SLCO1A2: variants seen among roughly 807,000 people sequenced by gnomAD.
SLCO1A2 encodes the protein OATP-1.
Under a neutral mutation model 69.0 loss-of-function variants are expected in SLCO1A2, and 67 were observed. The ratio of observed to expected loss-of-function variants is 0.97; its 90% CI spans 0.80 to 1.19. The LOEUF (loss-of-function observed/expected upper bound fraction) is 1.19. Among genes scored for constraint, SLCO1A2 ranks in the 50% most tolerant of loss-of-function variants. SLCO1A2 has a pLI of 0.00. For missense variants in SLCO1A2, 787 were observed against 793.7 expected, an observed-to-expected ratio of 0.99 and a Z score of 0.10; for synonymous variants, 260 against 265.9, an observed-to-expected ratio of 0.98 and a Z score of 0.22.
chr12:21,335,011 C>T (rs942727908), upstream of SLCO1A2: 230 of 166,632 alleles, frequency 1.4e-3, no homozygotes, highest in African/African-American at 5.3e-3. Context: ...TTTCACTTCT[C>T]TAGCCAAAAC....
chr12:21,390,989 C>G (rs538702068), intron 1 of SLCO1A2, among the ~76,000 whole-genome samples: 1 of 152,220 alleles, frequency 6.6e-6, no homozygotes, highest in East Asian at 1.9e-4. Flanking sequence ...ATTTTCTGTC[C>G]TCATTTCAAA....
chr12:21,299,752 G>T (rs73235208), intron 8 of SLCO1A2, among the ~76,000 whole-genome samples: 10,260 of 139,128 alleles, frequency 0.074, 1,234 homozygotes, highest in African/African-American at 0.25. Flanking sequence ...GAGCAAATGG[G>T]ACCATATATA....
At chr12:21,272,677 T>TACAA (rs1214429983) in intron 14 of SLCO1A2, among the ~76,000 whole-genome samples, 1 of 152,128 alleles carries the variant, frequency 6.6e-6, no homozygotes, top group Non-Finnish European at 1.5e-5. Flanking sequence ...ATCTATCTCT[T>TACAA]ACAAACAACA....
chr12:21,308,605 G>T (rs1032835000), intron 4 of SLCO1A2, among the ~76,000 whole-genome samples: 1 of 152,082 alleles, frequency 6.6e-6, no homozygotes, highest in Non-Finnish European at 1.5e-5. Context: ...AAAAAAAATG[G>T]GGGTATTAAG....
chr12:21,360,151 G>A (rs1015959642), intron 2 of SLCO1A2, among the ~76,000 whole-genome samples: 1 of 152,080 alleles, frequency 6.6e-6, no homozygotes, highest in African/African-American at 2.4e-5. Flanking sequence ...GGAGTAGAAG[G>A]AAATGAGGAA....
At chr12:21,342,981 A>C (rs1953125027) in intron 2 of SLCO1A2, among the ~76,000 whole-genome samples, 1 of 152,116 alleles carries the variant, frequency 6.6e-6, no homozygotes, top group Non-Finnish European at 1.5e-5. Flanking sequence ...ACTTACGCTG[A>C]CATGACCTGT....
At chr12:21,384,384 C>A (rs1178490577) in intron 1 of SLCO1A2, among the ~76,000 whole-genome samples, 1 of 152,106 alleles carries the variant, frequency 6.6e-6, no homozygotes, top group East Asian at 1.9e-4. Flanking sequence ...AAACTTGTAC[C>A]GCACAACCAC....
At chr12:21,372,282 T>C (rs1939857044) in intron 2 of SLCO1A2, among the ~76,000 whole-genome samples, 1 of 152,196 alleles carries the variant, frequency 6.6e-6, no homozygotes, top group Non-Finnish European at 1.5e-5. Context: ...AAATGAATTT[T>C]TTTATTCATT....
At chr12:21,359,547 C>G (rs1938646889) in intron 2 of SLCO1A2, among the ~76,000 whole-genome samples, 1 of 152,136 alleles carries the variant, frequency 6.6e-6, no homozygotes, top group South Asian at 2.1e-4. Flanking sequence ...ATGCATGTAA[C>G]ACCCAATCAA....
intron 2 of SLCO1A2, among the ~76,000 whole-genome samples, chr12:21,363,867 T>C (rs906464931): frequency 6.6e-6 from 1 of 152,152 alleles, no homozygotes; most frequent in Non-Finnish European, 1.5e-5. Context: ...AATCCCTGAA[T>C]AGACCAATAA....
chr12:21,327,539 C>T (rs563025212), intron 2 of SLCO1A2, among the ~76,000 whole-genome samples: 1 of 152,300 alleles, frequency 6.6e-6, no homozygotes, highest in South Asian at 2.1e-4. Context: ...AGGGGTGGAT[C>T]TTCCCAAGTC....
intron 4 of SLCO1A2, among the ~76,000 whole-genome samples, chr12:21,310,932 C>G (rs997765446): frequency 2.0e-5 from 3 of 152,192 alleles, no homozygotes; most frequent in South Asian, 2.1e-4. Flanking sequence ...AGCATTTTAC[C>G]CACAGTAGAA....
chr12:21,352,728 C>T (rs1365571267), intron 2 of SLCO1A2, among the ~76,000 whole-genome samples: 4 of 152,198 alleles, frequency 2.6e-5, no homozygotes, highest in Admixed American at 2.6e-4. Flanking sequence ...TATCTTCAAT[C>T]CATTTATGCT....
chr12:21,324,068 A>G (rs950550927), intron 2 of SLCO1A2, among the ~76,000 whole-genome samples: 2 of 152,216 alleles, frequency 1.3e-5, no homozygotes, highest in Admixed American at 1.3e-4. Flanking sequence ...AGAGATAAAT[A>G]ACATTAATAT....
intron 6 of SLCO1A2, 25 bp downstream of exon 6, chr12:21,304,402 A>C: frequency 6.4e-7 from 1 of 1,572,822 alleles, no homozygotes; most frequent in Non-Finnish European, 8.7e-7. Flanking sequence ...CCTGAAAAGA[A>C]GCTAAGGTAG....
chr12:21,297,010 A>C lies in SLCO1A2; in HGVS notation c.1075+394T>G, dbSNP rs149197702. Among the ~76,000 whole-genome samples the C allele has an allele frequency of 1.3e-3, 201 of 152,300 alleles. 1 individual carries two copies. Among genetic ancestry groups the C allele is most frequent in the African/African-American group, 4.6e-3 (190 of 41,574 alleles). On this transcript the variant is annotated intron_variant, in intron 9 of 14. Coordinates refer to ENST00000683939, the MANE Select transcript of SLCO1A2 (RefSeq NM_001386879.1). ...ACTAGGGGGACCAAAAAATTAAATTAGGAGGAACATAGAATCCTTGAACTG... is the reference window on the plus strand; with the variant it reads ...ACTAGGGGGACCAAAAAATTAAATTCGGAGGAACATAGAATCCTTGAACTG...
intron 1 of SLCO1A2, chr12:21,378,660 A>C: frequency 2.2e-6 from 1 of 461,672 alleles, no homozygotes; most frequent in Non-Finnish European, 3.9e-6. Flanking sequence ...ATTTTAAAAC[A>C]TAAGAACGTC....
chr12:21,315,494 T>C (rs1565493666), intron 3 of SLCO1A2, among the ~76,000 whole-genome samples: 1 of 152,190 alleles, frequency 6.6e-6, no homozygotes, highest in Non-Finnish European at 1.5e-5. Flanking sequence ...ATATCTACCT[T>C]GCCCCCACTA....
At position 21,307,748 on chromosome 12, in the gene SLCO1A2, G is replaced by A. The variant is rs1051915885; in HGVS notation, c.336-760C>T. Among the ~76,000 whole-genome samples the A allele has an allele frequency of 7.2e-5, 11 of 152,218 alleles. No homozygotes were observed. In the South Asian group the frequency reaches 1.0e-3, roughly 14 times the overall value. ...TAGAAATAATGCTGGATTGTTTTCT[G>A]TATTTCTATTAAATAAGGTAGTCAG... is the stretch of plus-strand genomic sequence containing the variant. On this transcript the variant is annotated intron_variant, in intron 4 of 14. Coordinates refer to ENST00000683939, the MANE Select transcript of SLCO1A2 (RefSeq NM_001386879.1).
Sources: gnomAD v4.1 joint callset for allele counts (sites outside exome capture counted in the v4.1 genomes callset) on GRCh38, gnomAD v4.1.1 for gene constraint, MANE v1.5 for transcripts, NCBI Gene and HGNC (gene_info 2026-07-23, HGNC 2026-07-21) for gene names.